LUZP2: variants seen among roughly 807,000 people sequenced by gnomAD.
The protein encoded by LUZP2 is leucine zipper protein 2.
In LUZP2, 52 loss-of-function variants were observed where a neutral mutation model predicts 51.6. The observed-to-expected ratio is 1.01, with a 90% confidence interval of 0.81 to 1.27. LUZP2 has a LOEUF of 1.27. Ranked by LOEUF, LUZP2 falls within the 50% of genes most tolerant of loss-of-function variation. The pLI is 0.00. For synonymous variants in LUZP2, 154 were observed against 137.3 expected (o/e 1.12, Z -0.85); for missense variants, 436 against 395.4 (o/e 1.10, Z -0.87).
intron 9 of LUZP2, among the ~76,000 whole-genome samples, chr11:24,996,247 A>T (rs1286933956): frequency 6.6e-6 from 1 of 150,800 alleles, no homozygotes; most frequent in Non-Finnish European, 1.5e-5. Context: ...CTTGGATTTC[A>T]TTGTTTTCTA....
intron 1 of LUZP2, among the ~76,000 whole-genome samples, chr11:24,728,879 G>A (rs746999979): frequency 6.6e-5 from 10 of 151,936 alleles, no homozygotes; most frequent in African/African-American, 1.2e-4. Flanking sequence ...CCCAATCATG[G>A]AAGAAGACGA....
At chr11:24,690,880 C>G (rs185667690) in intron 1 of LUZP2, among the ~76,000 whole-genome samples, 189 of 152,048 alleles carry the variant, frequency 1.2e-3, no homozygotes, top group Non-Finnish European at 2.9e-4. Context: ...GATACAGAAC[C>G]AGAAAATGTA....
chr11:24,667,177 T>G (rs2133994130), intron 1 of LUZP2, among the ~76,000 whole-genome samples: 1 of 139,976 alleles, frequency 7.1e-6, no homozygotes, highest in East Asian at 2.1e-4. Context: ...ATACATTTTC[T>G]TTTTTTCTTT....
chr11:24,526,279 G>T (rs1332869165), intron 1 of LUZP2, among the ~76,000 whole-genome samples: 1 of 133,278 alleles, frequency 7.5e-6, no homozygotes, highest in East Asian at 2.2e-4. Context: ...AAAAAAAAAA[G>T]CTCAAGAGTG....
chr11:24,561,075 A>G (rs1215023696), intron 1 of LUZP2, among the ~76,000 whole-genome samples: 1 of 152,148 alleles, frequency 6.6e-6, no homozygotes, highest in African/African-American at 2.4e-5. Context: ...TTGACAAACA[A>G]TGTTGAAAAA....
intron 1 of LUZP2, among the ~76,000 whole-genome samples, chr11:24,715,111 G>A (rs1336122715): frequency 1.3e-5 from 2 of 152,084 alleles, no homozygotes; most frequent in Non-Finnish European, 1.5e-5. Flanking sequence ...CTGGGCGTAA[G>A]TGGACAGAGT....
intron 5 of LUZP2, among the ~76,000 whole-genome samples, chr11:24,782,379 C>T (rs1471404679): frequency 6.6e-6 from 1 of 152,040 alleles, no homozygotes; most frequent in Non-Finnish European, 1.5e-5. Flanking sequence ...TGCTCAAACT[C>T]TGTACTATGA....
At chr11:24,658,802 A>C (rs1207625694) in intron 1 of LUZP2, among the ~76,000 whole-genome samples, 3 of 152,188 alleles carry the variant, frequency 2.0e-5, no homozygotes, top group African/African-American at 4.8e-5. Flanking sequence ...TTTATGCAGC[A>C]AACAGACACA....
chr11:25,065,902 A>G (rs574397938), intron 10 of LUZP2, among the ~76,000 whole-genome samples: 1 of 152,154 alleles, frequency 6.6e-6, no homozygotes, highest in East Asian at 1.9e-4. Flanking sequence ...ACTACGTTCT[A>G]TGACACATCT....
chr11:24,499,142 C>T (rs567299259), intron 1 of LUZP2, among the ~76,000 whole-genome samples: 120 of 152,260 alleles, frequency 7.9e-4, no homozygotes, highest in Middle Eastern at 3.4e-3. Context: ...AGCTTTGAAA[C>T]TTCTGCAATG....
At chr11:24,758,959 A>G (rs929687983) in intron 4 of LUZP2, among the ~76,000 whole-genome samples, 4 of 152,068 alleles carry the variant, frequency 2.6e-5, no homozygotes, top group Non-Finnish European at 5.9e-5. Context: ...AAATTAAAAA[A>G]CAGTGTATCT....
rs1425913075 is a variant in LUZP2, at chr11:24,771,654, A to G, written c.396+8346A>G. Among the ~76,000 whole-genome samples the G allele has an allele frequency of 2.6e-5, 4 of 152,094 alleles. No individual in the cohort carries two copies. The East Asian group carries it at 7.8e-4, about 30-fold the overall frequency. On this transcript the variant is annotated intron_variant, in intron 5 of 11. Transcript: ENST00000336930. ...TTTGGAGATAAAAGCTTAATTACTG[A>G]CATGGTTTGGCTGTGTCCCTACCCA...
At chr11:24,958,265 C>A (rs1372747973) in intron 7 of LUZP2, among the ~76,000 whole-genome samples, 2 of 152,152 alleles carry the variant, frequency 1.3e-5, no homozygotes, top group African/African-American at 4.8e-5. Context: ...TGGGTATATA[C>A]CCAGTAATGG....
chr11:24,947,003 A>G (rs1239239143), intron 7 of LUZP2, among the ~76,000 whole-genome samples: 1 of 151,958 alleles, frequency 6.6e-6, no homozygotes, highest in Non-Finnish European at 1.5e-5. Flanking sequence ...CCCTTGAACA[A>G]TGTGGAAGTT....
chr11:24,973,113 T>A (rs1005704472), intron 7 of LUZP2, among the ~76,000 whole-genome samples: 8 of 150,004 alleles, frequency 5.3e-5, no homozygotes, highest in African/African-American at 1.5e-4. Context: ...CTGCCTCAAT[T>A]TTAGAACTCA....
intron 9 of LUZP2, among the ~76,000 whole-genome samples, chr11:25,046,630 A>G (rs1295130201): frequency 9.2e-5 from 14 of 152,156 alleles, no homozygotes; most frequent in Admixed American, 9.2e-4. Context: ...AAGGAGCCCC[A>G]AGCCTATAAT....
At chr11:24,867,819 T>C (rs11605315) in intron 5 of LUZP2, among the ~76,000 whole-genome samples, 39,629 of 152,054 alleles carry the variant, frequency 0.26, 5,510 homozygotes, top group African/African-American at 0.35. Context: ...CAAACTATGG[T>C]GCCAATGAAT....
intron 1 of LUZP2, among the ~76,000 whole-genome samples, chr11:24,628,518 T>G (rs1201067666): frequency 6.6e-6 from 1 of 152,130 alleles, no homozygotes; most frequent in Non-Finnish European, 1.5e-5. Context: ...TCAAAAGCAT[T>G]TTCTAAGTAA....
intron 3 of LUZP2, among the ~76,000 whole-genome samples, chr11:24,734,707 G>A (rs1423987356): frequency 6.6e-6 from 1 of 151,908 alleles, no homozygotes; most frequent in African/African-American, 2.4e-5. Context: ...AAAAGAGACT[G>A]TGTGTCTCAT....
Sources: allele counts gnomAD v4.1 joint callset (sites outside exome capture counted in the v4.1 genomes callset), GRCh38; gene constraint gnomAD v4.1.1; transcripts MANE v1.5; gene names NCBI Gene and HGNC (gene_info 2026-07-23, HGNC 2026-07-21).